Variants in ATG7 observed in about 807,000 individuals in gnomAD.
ATG7 encodes the protein autophagy related 7, also known as ubiquitin-like modifier-activating enzyme ATG7.
In ATG7, 70 loss-of-function variants were observed where a neutral mutation model predicts 82.4. The ratio of observed to expected loss-of-function variants is 0.85; its 90% confidence interval spans 0.70 to 1.04. ATG7 has a LOEUF of 1.04. ATG7 is among the 50% of genes least tolerant of loss of function. The pLI, the probability that ATG7 is intolerant of heterozygous loss-of-function variation, is 0.00. For synonymous variants in ATG7, 287 were observed against 313.0 expected (o/e 0.92, Z 0.88); for missense variants, 792 against 864.3 (o/e 0.92, Z 1.05).
intron 2 of ATG7, among the ~76,000 whole-genome samples, chr3:11,281,311 A>G (rs1213056912): frequency 6.6e-6 from 1 of 152,218 alleles, no homozygotes; most frequent in Non-Finnish European, 1.5e-5. Context: ...AGCTAATCTA[A>G]TCAGTATATT....
chr3:11,399,988 A>G (rs1455919292), intron 19 of ATG7, among the ~76,000 whole-genome samples: 1 of 152,228 alleles, frequency 6.6e-6, no homozygotes, highest in East Asian at 1.9e-4. Context: ...TATAGACTAT[A>G]TTTTACATTT....
chr3:11,450,793 T>A (rs746111278), intron 20 of ATG7, among the ~76,000 whole-genome samples: 19 of 152,228 alleles, frequency 1.2e-4, no homozygotes, highest in Non-Finnish European at 2.6e-4. Context: ...GCTTTCTTAG[T>A]TAAGATCGTA....
intron 11 of ATG7, among the ~76,000 whole-genome samples, chr3:11,336,193 A>G (rs1265462476): frequency 2.3e-5 from 1 of 43,872 alleles, no homozygotes; most frequent in African/African-American, 1.3e-4. Flanking sequence ...GCCGCCACAC[A>G]TGGCTATTTT....
downstream of ATG7, chr3:11,558,788 C>T (rs758515127): frequency 4.3e-6 from 7 of 1,613,712 alleles, no homozygotes; most frequent in African/African-American, 2.7e-5. Flanking sequence ...CAGGCTCCTG[C>T]GGAAATGCTC....
At chr3:11,370,424 A>G (rs1430226107) in intron 18 of ATG7, among the ~76,000 whole-genome samples, 1 of 151,194 alleles carries the variant, frequency 6.6e-6, no homozygotes, top group Non-Finnish European at 1.5e-5. Flanking sequence ...AGGGTTTTGC[A>G]ATTGCTACAC....
intron 1 of ATG7, among the ~76,000 whole-genome samples, chr3:11,273,777 T>C (rs149318575): frequency 2.0e-5 from 3 of 152,070 alleles, no homozygotes; most frequent in East Asian, 3.8e-4. Context: ...ATAGTGGTGG[T>C]GGTGGCGGTG....
chr3:11,518,378 C>G (rs1046396032), intron 20 of ATG7, among the ~76,000 whole-genome samples: 1 of 152,054 alleles, frequency 6.6e-6, no homozygotes, highest in Non-Finnish European at 1.5e-5. Context: ...GAAACCCTGT[C>G]TCTACTAAAA....
At chr3:11,325,718 A>G (rs1950787783) in intron 9 of ATG7, among the ~76,000 whole-genome samples, 1 of 152,136 alleles carries the variant, frequency 6.6e-6, no homozygotes. Context: ...ATTAAGGCAT[A>G]GAGAAGTTAA....
At chr3:11,468,289 A>G (rs971017732) in intron 20 of ATG7, among the ~76,000 whole-genome samples, 6 of 113,570 alleles carry the variant, frequency 5.3e-5, no homozygotes, top group Admixed American at 1.0e-4. Context: ...TAAGTGAAGA[A>G]TGAGAATGGA....
intron 20 of ATG7, among the ~76,000 whole-genome samples, chr3:11,478,546 T>TA (rs1315508692): frequency 3.3e-5 from 5 of 152,236 alleles, no homozygotes; most frequent in African/African-American, 7.2e-5. Flanking sequence ...TATCTCTGAC[T>TA]ATTAAATCAC....
chr3:11,288,008 A>AT (rs1305787539), intron 3 of ATG7, among the ~76,000 whole-genome samples: 2 of 152,092 alleles, frequency 1.3e-5, no homozygotes, highest in Non-Finnish European at 2.9e-5. Flanking sequence ...TGGTTTTTGC[A>AT]TTTTTTTAAG....
chr3:11,535,779 C>A (rs890791018), intron 20 of ATG7, among the ~76,000 whole-genome samples: 1 of 152,190 alleles, frequency 6.6e-6, no homozygotes, highest in Non-Finnish European at 1.5e-5. Context: ...CCCGCCTTCC[C>A]AAGAGCCCTC....
At chr3:11,574,791 G>A in the ATG7 span, among the ~76,000 whole-genome samples, 14 of 98,640 alleles carry the variant, frequency 1.4e-4, no homozygotes, top group African/African-American at 5.6e-4. Flanking sequence ...ATATATGTGT[G>A]TGTGTGTGTG....
intron 3 of ATG7, among the ~76,000 whole-genome samples, chr3:11,293,238 TG>T (rs1452012310): frequency 6.6e-6 from 1 of 151,978 alleles, no homozygotes; most frequent in Non-Finnish European, 1.5e-5. Flanking sequence ...TTGTAGAAAG[TG>T]AATGATTTGG....
chr3:11,455,711 C>T (rs1044007097), intron 20 of ATG7, among the ~76,000 whole-genome samples: 15 of 152,204 alleles, frequency 9.9e-5, no homozygotes, highest in African/African-American at 3.6e-4. Context: ...CTGGCCACAA[C>T]TACATCTTCA....
intron 5 of ATG7, among the ~76,000 whole-genome samples, chr3:11,301,169 G>A (rs1222652059): frequency 1.3e-5 from 2 of 152,094 alleles, no homozygotes; most frequent in Non-Finnish European, 2.9e-5. Context: ...AACAGTGTCA[G>A]AAGCACAGAG....
At chr3:11,278,095 C>T (rs1057454296) in intron 1 of ATG7, among the ~76,000 whole-genome samples, 1 of 152,114 alleles carries the variant, frequency 6.6e-6, no homozygotes, top group Non-Finnish European at 1.5e-5. Flanking sequence ...CTGAAAATCA[C>T]TGTTATTCTG....
chr3:11,321,363 C>T (rs545714117), intron 9 of ATG7, among the ~76,000 whole-genome samples: 1 of 152,248 alleles, frequency 6.6e-6, no homozygotes, highest in East Asian at 1.9e-4. Flanking sequence ...GTACCTGCCC[C>T]TGAAGAGGAC....
At chr3:11,539,890 CGT>C (rs1277660563) in intron 20 of ATG7, among the ~76,000 whole-genome samples, 1 of 152,218 alleles carries the variant, frequency 6.6e-6, no homozygotes, top group African/African-American at 2.4e-5. Context: ...TGCATCATTG[CGT>C]GTGTCAGCGC....
Sources: allele counts gnomAD v4.1 joint callset (sites outside exome capture counted in the v4.1 genomes callset), GRCh38; gene constraint gnomAD v4.1.1; transcripts MANE v1.5; gene names NCBI Gene and HGNC (gene_info 2026-07-23, HGNC 2026-07-21).